TMEM209: variants seen among roughly 807,000 people sequenced by gnomAD.
The protein encoded by TMEM209 is transmembrane protein 209.
In TMEM209, 65 loss-of-function variants were observed where a neutral mutation model predicts 76.2. That is an observed-to-expected ratio of 0.85 (90% CI 0.70 to 1.05). The LOEUF is 1.05. TMEM209 is among the 50% of genes least tolerant of loss of function. The probability of loss-of-function intolerance (pLI) is 0.00; values close to 1 mark genes in which losing one functional copy is unlikely to be tolerated. For synonymous variants in TMEM209, 239 were observed against 237.6 expected, an observed-to-expected ratio of 1.01 and a Z score of -0.06; for missense variants, 623 against 685.5, an observed-to-expected ratio of 0.91 and a Z score of 1.02.
In TMEM209 at chr7:130,202,042, G is replaced by A. The variant is rs758361283; in HGVS notation, c.381C>T (p.Pro127=). The A allele has an allele frequency of 8.7e-6, 14 of 1,613,782 alleles. No homozygotes were observed. Among genetic ancestry groups the A allele is most frequent in the South Asian group, 3.3e-5 (3 of 91,074 alleles). The part of the protein sequence containing the change: ...PHDLAATQIP[P]APPSPSIQGQ... ...CCTGAATTGAAGGGGAAGGTGGAGC[G>A]GGAGGGATTTGGGTTGCTGCCAGAT... The change falls in exon 5 of 15, where the codon CCC becomes CCT. Residue 127 remains proline (P), a synonymous_variant. Transcript: ENST00000397622.
intron 6 of TMEM209, among the ~76,000 whole-genome samples, chr7:130,186,026 A>G (rs1797586340): frequency 6.6e-6 from 1 of 152,200 alleles, no homozygotes; most frequent in South Asian, 2.1e-4. Flanking sequence ...GTTTTCCCAA[A>G]TAGAATTTGA....
chr7:130,172,267 C>G (rs1171980350), intron 13 of TMEM209, among the ~76,000 whole-genome samples: 1 of 152,164 alleles, frequency 6.6e-6, no homozygotes, highest in African/African-American at 2.4e-5. Context: ...TAGAATTCCA[C>G]TTTTAGAACT....
Position 130,202,664 on chromosome 7 carries a change from C to A in TMEM209, c.200-1G>T. ...CTGAAGAGAGATGCAAGGGCAAGCT[C>A]TGGAAGAGAACAATTTTTTTTTAAT... is the stretch of plus-strand genomic sequence containing the variant. On this transcript the variant is annotated splice_acceptor_variant, in intron 3 of 14. Coordinates refer to ENST00000397622, the MANE Select transcript of TMEM209 (RefSeq NM_032842.4). LOFTEE classifies it high-confidence loss of function. 1 of 1,610,172 alleles carries A rather than the reference C, an allele frequency of 6.2e-7. No homozygotes were observed. Among genetic ancestry groups the A allele is most frequent in the East Asian group, 2.2e-5 (1 of 44,784 alleles).
rs770766983 is a variant in TMEM209, at chr7:130,166,274, C to G, written c.*177G>C. On this transcript the variant is annotated 3_prime_UTR_variant, in exon 15 of 15. Transcript: ENST00000397622. ...AGGCAATGTCTCGATATAGAAGATA[C>G]GGGACATATTTTTACAATTACATTT... 2 of 441,806 alleles carry G rather than the reference C, an allele frequency of 4.5e-6. No individual in the cohort carries two copies. The highest frequency in any genetic ancestry group is 4.2e-5 in the Admixed American group (1 of 23,560). 27.4% of individuals were successfully genotyped at this position (441,806 alleles called of 1,614,324 possible).
chr7:130,179,956 ACT>A (rs1222740205), intron 9 of TMEM209, among the ~76,000 whole-genome samples: 4 of 152,112 alleles, frequency 2.6e-5, no homozygotes, highest in Non-Finnish European at 5.9e-5. Flanking sequence ...AAAGAGCGAG[ACT>A]CTGTCTAGAA....
chr7:130,184,552 A>AC (rs1472649529), intron 7 of TMEM209, among the ~76,000 whole-genome samples: 10 of 148,088 alleles, frequency 6.8e-5, no homozygotes, highest in Non-Finnish European at 1.2e-4. Context: ...GAACACAGTG[A>AC]CGCAATCTTA....
Position 130,164,714 on chromosome 7 carries a change from G to A in TMEM209, c.*1737C>T, listed in dbSNP as rs1396988629. On this transcript the variant is annotated 3_prime_UTR_variant, in exon 15 of 15. Coordinates refer to ENST00000397622, the MANE Select transcript of TMEM209 (RefSeq NM_032842.4). ...AAGAAAAAAAGACATTTCATCTTAT[G>A]CATTGTTAAAATGTTTCTCCATGGT... is the stretch of plus-strand genomic sequence containing the variant. The A allele has an allele frequency of 6.6e-6, 1 of 152,062 alleles. No homozygotes were observed. Among genetic ancestry groups the A allele is most frequent in the Non-Finnish European group, 1.5e-5 (1 of 67,986 alleles). The allele number at this position is 152,062 out of a possible 1,614,324, so 9.4% of individuals were successfully genotyped here. A position where few individuals can be genotyped will look rare whatever the true frequency, so the allele number is the denominator to read the frequency against.
At chr7:130,173,994 GTAGAACCCTT>G in intron 11 of TMEM209, 55 bp from the exon 12 acceptor site, 1 of 1,202,908 alleles carries the variant, frequency 8.3e-7, no homozygotes, top group South Asian at 1.3e-5. Context: ...TAGCATGGAT[GTAGAACCCTT>G]TAGAAACATC....
intron 1 of TMEM209, 65 bp downstream of exon 1, chr7:130,205,308 G>A (rs751913364): frequency 3.2e-4 from 518 of 1,613,444 alleles, no homozygotes; most frequent in Non-Finnish European, 4.2e-4. Context: ...ATCAGCAGGC[G>A]CGGAACTCCC....
At chr7:130,181,536 A>G in intron 9 of TMEM209, 87 bp downstream of exon 9, 3 of 1,180,286 alleles carry the variant, frequency 2.5e-6, no homozygotes, top group Non-Finnish European at 3.7e-6. Flanking sequence ...CAAGGTAACA[A>G]AATAAGTTAA....
At chr7:130,175,341 GT>G (rs1240821495) in intron 11 of TMEM209, 170 bp downstream of exon 11, 1 of 556,500 alleles carries the variant, frequency 1.8e-6, no homozygotes, top group Non-Finnish European at 3.1e-6. Flanking sequence ...TTCAGGCCTA[GT>G]CCCAGCTACT....
At position 130,165,335 on chromosome 7, in the gene TMEM209, C is replaced by G. The variant is rs1299625890; in HGVS notation, c.*1116G>C. The G allele has an allele frequency of 2.0e-5, 3 of 152,088 alleles. No homozygotes were observed. Among genetic ancestry groups the G allele is most frequent in the Non-Finnish European group, 4.4e-5 (3 of 67,994 alleles). The allele number at this position is 152,088 out of a possible 1,614,324, so 9.4% of individuals were successfully genotyped here. A position where few individuals can be genotyped will look rare whatever the true frequency, so the allele number is the denominator to read the frequency against. ...AATAAAGATGGTGAGTCAAACAAAA[C>G]ATACAAACTTGGTAACTTCTCACCC... is the stretch of plus-strand genomic sequence containing the variant. On this transcript the variant is annotated 3_prime_UTR_variant, in exon 15 of 15. Transcript: ENST00000397622.
At chr7:130,173,081 CAG>C (rs1367870564) in intron 13 of TMEM209, among the ~76,000 whole-genome samples, 2 of 148,512 alleles carry the variant, frequency 1.3e-5, no homozygotes, top group Non-Finnish European at 3.0e-5. Context: ...TATTTAAAAG[CAG>C]ATATAAAACT....
Position 130,201,959 on chromosome 7 carries a change from G to C in TMEM209, c.464C>G (p.Thr155Ser). ...SRSPSTSPKF[T>S]TSCMTGYSPQ... Reference sequence around the variant, plus strand: ...GCTGTAACCAGTCATACAGCTGGTGGTGAACTTGGGACTGGTACTGGGCGA... The same window carrying C: ...GCTGTAACCAGTCATACAGCTGGTGCTGAACTTGGGACTGGTACTGGGCGA... The change falls in exon 5 of 15, where the codon ACC becomes AGC. Residue 155 changes from threonine (T) to serine (S), a missense_variant. Physicochemically the swap from Thr to Ser is moderately conservative, Grantham distance 58. Transcript: ENST00000397622. 1 of 1,613,940 alleles carries C rather than the reference G, an allele frequency of 6.2e-7. No homozygotes were observed. Among genetic ancestry groups the C allele is most frequent in the Non-Finnish European group, 8.5e-7 (1 of 1,179,892 alleles).
chr7:130,200,564 TA>T (rs1193252461), intron 5 of TMEM209, among the ~76,000 whole-genome samples: 1 of 152,188 alleles, frequency 6.6e-6, no homozygotes, highest in African/African-American at 2.4e-5. Context: ...AGATGAGTAT[TA>T]AATAGCCATT....
chr7:130,188,509 T>C (rs1024940845), intron 6 of TMEM209, among the ~76,000 whole-genome samples: 1 of 140,698 alleles, frequency 7.1e-6, no homozygotes, highest in African/African-American at 2.7e-5. Flanking sequence ...AGCAGGAGAA[T>C]GGCATGAACC....
chr7:130,183,811 C>A (rs994065991), intron 8 of TMEM209, among the ~76,000 whole-genome samples: 2 of 152,182 alleles, frequency 1.3e-5, no homozygotes, highest in African/African-American at 4.8e-5. Flanking sequence ...ATCTCTCTAA[C>A]TCTTTAAGTT....
At position 130,175,626 on chromosome 7, in the gene TMEM209, A is replaced by C. The variant is rs1797209901; in HGVS notation, c.1247-17T>G. ...GAGATAGTTCTGTGGCAACAAGGTGAAATTTTTAAAAGCTAAGAGTATGCA... is the reference window on the plus strand; with the variant it reads ...GAGATAGTTCTGTGGCAACAAGGTGCAATTTTTAAAAGCTAAGAGTATGCA... On this transcript the variant is annotated splice_polypyrimidine_tract_variant and intron_variant, in intron 10 of 14. Transcript: ENST00000397622. 6.3e-7 allele frequency: 1 copy of C among 1,596,626 alleles called. No homozygotes were observed. Among genetic ancestry groups the C allele is most frequent in the Admixed American group, 1.7e-5 (1 of 58,434 alleles).
intron 1 of TMEM209, among the ~76,000 whole-genome samples, chr7:130,204,697 G>T (rs1401092902): frequency 6.6e-6 from 1 of 152,148 alleles, no homozygotes; most frequent in Non-Finnish European, 1.5e-5. Context: ...GTCTTATTTT[G>T]TAATTTAAGG....
Sources: gnomAD v4.1 joint callset for allele counts (sites outside exome capture counted in the v4.1 genomes callset) on GRCh38, gnomAD v4.1.1 for gene constraint, MANE v1.5 for transcripts, NCBI Gene and HGNC (gene_info 2026-07-23, HGNC 2026-07-21) for gene names.